The following SCRN3 variants were observed in gnomAD, a reference collection of about 807,000 sequenced individuals.
The protein encoded by SCRN3 is secernin-3.
SCRN3 carries 39 observed loss-of-function variants against 43.1 expected under a neutral mutation model. That is an observed-to-expected ratio of 0.91 (90% CI 0.70 to 1.18). SCRN3 has a LOEUF of 1.18. Among genes scored for constraint, SCRN3 ranks in the 50% most tolerant of loss-of-function variants. The probability of loss-of-function intolerance (pLI) is 0.00; values close to 1 mark genes in which losing one functional copy is unlikely to be tolerated. For synonymous variants in SCRN3, 147 were observed against 163.1 expected (o/e 0.90, Z 0.75); for missense variants, 484 against 498.0 (o/e 0.97, Z 0.27).
intron 4 of SCRN3, 21 bp downstream of exon 4, chr2:174,401,210 T>C (rs780637745): frequency 3.1e-6 from 5 of 1,593,942 alleles, no homozygotes; most frequent in Non-Finnish European, 4.3e-6. Context: ...CTTTTTGTGA[T>C]TTAACTTGTT....
intron 5 of SCRN3, among the ~76,000 whole-genome samples, chr2:174,406,159 G>A (rs1234890985): frequency 7.3e-6 from 1 of 136,664 alleles, no homozygotes; most frequent in Admixed American, 7.4e-5. Flanking sequence ...AGTTCTCCTT[G>A]AAGAGGTCCT....
At position 174,422,958 on chromosome 2, in the gene SCRN3, C is replaced by A. The variant is rs1686344496; in HGVS notation, c.828C>A (p.Phe276Leu). Reference sequence around the variant, plus strand: ...GTGGCATTAATATGGAGGGAGAATTCCTGACCACTGCAAGCATGGTTTCTA... The same window carrying A: ...GTGGCATTAATATGGAGGGAGAATTACTGACCACTGCAAGCATGGTTTCTA... ...KPSGINMEGE[F>L]LTTASMVSIL... The change falls in exon 6 of 8, where the codon TTC (phenylalanine) becomes TTA (leucine). Residue 276 changes from phenylalanine (F) to leucine (L), a missense_variant. Coordinates refer to ENST00000272732, the MANE Select transcript of SCRN3 (RefSeq NM_024583.5). 1 of 1,612,894 alleles carries A rather than the reference C, an allele frequency of 6.2e-7. No individual in the cohort carries two copies. The highest frequency in any genetic ancestry group is 8.5e-7 in the Non-Finnish European group (1 of 1,179,056).
Position 174,429,186 on chromosome 2 carries a change from CCTCTT to C in SCRN3, c.*1296_*1300del, listed in dbSNP as rs375956908. The stretch of plus-strand genomic sequence containing the variant: ...TAGGCTGTCTTCTAACCCCTATACT[CCTCTT>C]CTCTCCTTTAATAGATGAGGAAACT... On this transcript the variant is annotated 3_prime_UTR_variant, in exon 8 of 8. Coordinates refer to ENST00000272732, the MANE Select transcript of SCRN3 (RefSeq NM_024583.5). 2.7e-4 allele frequency: 41 copies of C among 152,296 alleles called. 1 individual carries two copies. The highest frequency in any genetic ancestry group is 9.6e-4 in the African/African-American group (40 of 41,550). 9.4% of individuals were successfully genotyped at this position (152,296 alleles called of 1,614,324 possible). A position where few individuals can be genotyped will look rare whatever the true frequency, so the allele number is the denominator to read the frequency against.
At chr2:174,401,678 G>A (rs1405509449) in intron 4 of SCRN3, among the ~76,000 whole-genome samples, 1 of 152,156 alleles carries the variant, frequency 6.6e-6, no homozygotes. Context: ...GTTTTAGAAT[G>A]CTTTGATTTT....
At chr2:174,423,124 C>A in intron 6 of SCRN3, 77 bp downstream of exon 6, 1 of 1,281,276 alleles carries the variant, frequency 7.8e-7, no homozygotes, top group South Asian at 1.7e-5. Context: ...ATAATTTTGT[C>A]AGGATAAATT....
At chr2:174,414,583 A>C (rs1395993469) in intron 5 of SCRN3, among the ~76,000 whole-genome samples, 1 of 152,076 alleles carries the variant, frequency 6.6e-6, no homozygotes, top group African/African-American at 2.4e-5. Flanking sequence ...GTATCCTATT[A>C]TTTTGTTATT....
intron 7 of SCRN3, among the ~76,000 whole-genome samples, chr2:174,424,942 T>G (rs1686431322): frequency 6.6e-6 from 1 of 152,176 alleles, no homozygotes; most frequent in South Asian, 2.1e-4. Flanking sequence ...CACAACCACT[T>G]TATGAAATGG....
chr2:174,409,852 C>A (rs942169018), intron 5 of SCRN3, among the ~76,000 whole-genome samples: 1 of 141,582 alleles, frequency 7.1e-6, no homozygotes, highest in Non-Finnish European at 1.6e-5. Flanking sequence ...AGAACCACTG[C>A]TCTCTTCAAA....
intron 5 of SCRN3, among the ~76,000 whole-genome samples, chr2:174,405,986 T>G (rs1467116538): frequency 1.4e-5 from 2 of 139,204 alleles, no homozygotes; most frequent in African/African-American, 5.0e-5. Context: ...TTTTTCCAAT[T>G]CTGTGAAGAA....
intron 5 of SCRN3, among the ~76,000 whole-genome samples, chr2:174,414,314 CTCTT>C (rs1422497547): frequency 6.6e-6 from 1 of 152,192 alleles, no homozygotes; most frequent in Admixed American, 6.5e-5. Context: ...AATGAAGTCT[CTCTT>C]TCCTACCCTG....
chr2:174,411,246 T>C (rs1685906617), intron 5 of SCRN3, among the ~76,000 whole-genome samples: 1 of 152,196 alleles, frequency 6.6e-6, no homozygotes, highest in African/African-American at 2.4e-5. Flanking sequence ...GATCCCAGCA[T>C]ACCTGTATTT....
chr2:174,417,960 A>G (rs1464640054), intron 5 of SCRN3, among the ~76,000 whole-genome samples: 1 of 152,220 alleles, frequency 6.6e-6, no homozygotes, highest in Non-Finnish European at 1.5e-5. Context: ...TTTGCTAGTA[A>G]TAAACTTAAA....
chr2:174,410,229 C>T (rs895802386), intron 5 of SCRN3: 22 of 150,168 alleles, frequency 1.5e-4, no homozygotes, highest in African/African-American at 4.7e-4. Flanking sequence ...TTTCCAGGTG[C>T]GTCCGTCACC....
chr2:174,421,090 C>A (rs978541104), intron 5 of SCRN3, among the ~76,000 whole-genome samples: 2 of 152,150 alleles, frequency 1.3e-5, no homozygotes, highest in Non-Finnish European at 1.5e-5. Flanking sequence ...AAAAAAATAT[C>A]TTCAAGGAAC....
At chr2:174,409,949 GAGGCAGGCAGGC>G (rs1685844563) in intron 5 of SCRN3, 2 of 144,744 alleles carry the variant, frequency 1.4e-5, no homozygotes, top group African/African-American at 5.1e-5. Flanking sequence ...GGAGCCTACA[GAGGCAGGCAGGC>G]CTCCTTGAGC....
intron 5 of SCRN3, among the ~76,000 whole-genome samples, chr2:174,415,882 C>G (rs1476160934): frequency 1.3e-5 from 2 of 152,188 alleles, no homozygotes; most frequent in East Asian, 3.9e-4. Flanking sequence ...TGGGCTCAAA[C>G]CATCTGCCCA....
intron 2 of SCRN3, among the ~76,000 whole-genome samples, chr2:174,399,168 T>C (rs1685422933): frequency 6.6e-6 from 1 of 152,238 alleles, no homozygotes; most frequent in Non-Finnish European, 1.5e-5. Flanking sequence ...TTAGATTTTA[T>C]TTTATTGATA....
intron 5 of SCRN3, among the ~76,000 whole-genome samples, chr2:174,411,085 T>G (rs1162626822): frequency 6.6e-6 from 1 of 152,152 alleles, no homozygotes; most frequent in East Asian, 1.9e-4. Context: ...ACCCAGAGTT[T>G]AGGATGGAAC....
intron 5 of SCRN3, among the ~76,000 whole-genome samples, chr2:174,421,104 T>TG (rs1686278690): frequency 6.6e-6 from 1 of 152,022 alleles, no homozygotes; most frequent in Non-Finnish European, 1.5e-5. Context: ...AAGGAACAAA[T>TG]ATAAAGCTGA....
Sources: allele counts gnomAD v4.1 joint callset (sites outside exome capture counted in the v4.1 genomes callset), GRCh38; gene constraint gnomAD v4.1.1; transcripts MANE v1.5; gene names NCBI Gene and HGNC (gene_info 2026-07-23, HGNC 2026-07-21).